COMMD1: variants seen among roughly 807,000 people sequenced by gnomAD.
COMMD1 encodes COMM domain-containing protein 1.
COMMD1 carries 10 observed loss-of-function variants against 17.2 expected under a neutral mutation model. The observed-to-expected ratio is 0.58, with a 90% CI of 0.36 to 0.99. COMMD1 has a LOEUF of 0.99. COMMD1 is among the 50% of genes least tolerant of loss of function. COMMD1 has a pLI of 0.01. For synonymous variants in COMMD1, 97 were observed against 91.6 expected (o/e 1.06, Z -0.34); for missense variants, 270 against 231.8 (o/e 1.17, Z -1.07).
intron 1 of COMMD1, among the ~76,000 whole-genome samples, chr2:61,920,911 A>ATATG (rs1279977189): frequency 6.7e-6 from 1 of 150,042 alleles, no homozygotes. Context: ...GTGTGTATAT[A>ATATG]TATGTATGTG....
intron 1 of COMMD1, among the ~76,000 whole-genome samples, chr2:61,908,182 A>G (rs1669819129): frequency 6.6e-6 from 1 of 151,778 alleles, no homozygotes; most frequent in African/African-American, 2.4e-5. Context: ...ATAGGGCTGA[A>G]ACCGTGGGCT....
intron 1 of COMMD1, among the ~76,000 whole-genome samples, chr2:61,940,690 TC>T (rs1005259692): frequency 1.3e-5 from 2 of 151,542 alleles, no homozygotes; most frequent in Non-Finnish European, 2.9e-5. Context: ...TGGGATGAAT[TC>T]TTTTTTTTTT....
rs144488851 is a variant in COMMD1, at chr2:62,005,166, T to C, written c.462+4184T>C. On this transcript the variant is annotated intron_variant, in intron 2 of 2. Transcript: ENST00000311832. Reference sequence around the variant, plus strand: ...TTATTCTTTAAAGCTGCCCAGATGATTTCAGTATCCAGGGTTGAGAACCAC... The same window carrying C: ...TTATTCTTTAAAGCTGCCCAGATGACTTCAGTATCCAGGGTTGAGAACCAC... Among the ~76,000 whole-genome samples, 403 of 152,320 alleles carry C rather than the reference T, an allele frequency of 2.6e-3. 1 individual carries two copies. Among genetic ancestry groups the C allele is most frequent in the African/African-American group, 8.5e-3 (355 of 41,580 alleles).
intron 2 of COMMD1, among the ~76,000 whole-genome samples, chr2:62,090,445 T>G (rs1233610371): frequency 6.6e-6 from 1 of 152,226 alleles, no homozygotes; most frequent in African/African-American, 2.4e-5. Flanking sequence ...TTAATGTCTC[T>G]TCTGGCCAAT....
chr2:61,906,977 CA>C (rs1669789882), intron 1 of COMMD1, among the ~76,000 whole-genome samples: 1 of 152,132 alleles, frequency 6.6e-6, no homozygotes, highest in Non-Finnish European at 1.5e-5. Context: ...CAAATGAAAA[CA>C]AATATTTCAC....
chr2:61,958,654 T>C (rs1440776197), intron 1 of COMMD1, among the ~76,000 whole-genome samples: 1 of 152,256 alleles, frequency 6.6e-6, no homozygotes, highest in African/African-American at 2.4e-5. Context: ...TACCATAGAT[T>C]TTCTGGGAAC....
rs139227235 is a variant in COMMD1, at chr2:61,965,508, G to A, written c.181-35193G>A. On this transcript the variant is annotated intron_variant, in intron 1 of 2. Transcript: ENST00000311832. ...CCACTAGACTGTAAGCACAGTAAGA[G>A]TGGGTATCCTCAGCATGGTATAGGG... Among the ~76,000 whole-genome samples the A allele has an allele frequency of 3.5e-3, 540 of 152,326 alleles. 11 individuals carry two copies. The highest frequency in any genetic ancestry group is 6.8e-3 in the Middle Eastern group (2 of 294).
intron 2 of COMMD1, among the ~76,000 whole-genome samples, chr2:62,128,276 T>C (rs570416530): frequency 1.3e-5 from 2 of 150,774 alleles, no homozygotes; most frequent in Admixed American, 1.3e-4. Context: ...TGCTGTGAGC[T>C]GAGATGGCAC....
rs897066475 is a variant in COMMD1, at chr2:61,981,202, G to A, written c.181-19499G>A. Among the ~76,000 whole-genome samples, 5 of 152,124 alleles carry A rather than the reference G, an allele frequency of 3.3e-5. 1 individual carries two copies. Among genetic ancestry groups the A allele is most frequent in the African/African-American group, 1.2e-4 (5 of 41,428 alleles). ...TTGCTTTGGTTACCTGTACTTGTGG[G>A]GTATTTACTCAAGGAATCTTTGCCC... On this transcript the variant is annotated intron_variant, in intron 1 of 2. Transcript: ENST00000311832.
intron 1 of COMMD1, among the ~76,000 whole-genome samples, chr2:61,923,729 G>A (rs1310066595): frequency 1.3e-5 from 2 of 152,024 alleles, no homozygotes; most frequent in African/African-American, 2.4e-5. Context: ...TTTTAATTGG[G>A]CAAGTGACAT....
At chr2:61,905,667 C>A, upstream of COMMD1, 1 of 1,538,430 alleles carries the variant, frequency 6.5e-7, no homozygotes. Flanking sequence ...CGGGGCGGGG[C>A]CTTCGCAGAG....
At chr2:61,969,130 T>G (rs912609974) in intron 1 of COMMD1, 2 of 317,116 alleles carry the variant, frequency 6.3e-6, no homozygotes, top group African/African-American at 4.4e-5. Flanking sequence ...GGCTTTTATA[T>G]GTAGGTTTTT....
intron 2 of COMMD1, among the ~76,000 whole-genome samples, chr2:62,116,670 T>A (rs1672613365): frequency 1.1e-5 from 1 of 86,968 alleles, no homozygotes; most frequent in Non-Finnish European, 2.0e-5. Flanking sequence ...AGACTCTGTC[T>A]CATTACAAAA....
At chr2:62,096,650 G>C (rs1672018152) in intron 2 of COMMD1, among the ~76,000 whole-genome samples, 1 of 152,146 alleles carries the variant, frequency 6.6e-6, no homozygotes, top group African/African-American at 2.4e-5. Flanking sequence ...CCTATTAATT[G>C]TTTTTTAGTT....
At chr2:61,967,595 T>A (rs556093807) in intron 1 of COMMD1, among the ~76,000 whole-genome samples, 1 of 152,304 alleles carries the variant, frequency 6.6e-6, no homozygotes, top group Non-Finnish European at 1.5e-5. Context: ...TGATACATAG[T>A]AGGCAGGTGG....
upstream of COMMD1, among the ~76,000 whole-genome samples, chr2:61,904,623 CA>C (rs1409804918): frequency 6.6e-6 from 1 of 152,218 alleles, no homozygotes; most frequent in Non-Finnish European, 1.5e-5. Context: ...TGTACCCAAA[CA>C]CACATATTAT....
At chr2:61,926,223 G>A (rs1014756780) in intron 1 of COMMD1, among the ~76,000 whole-genome samples, 2 of 151,976 alleles carry the variant, frequency 1.3e-5, no homozygotes, top group Non-Finnish European at 2.9e-5. Context: ...TGCCTGCCTC[G>A]GCCTCCTGAA....
intron 2 of COMMD1, among the ~76,000 whole-genome samples, chr2:62,075,985 T>C (rs1650751485): frequency 6.6e-6 from 1 of 152,202 alleles, no homozygotes; most frequent in Non-Finnish European, 1.5e-5. Flanking sequence ...CTGAATTCTG[T>C]AGGGGGAGAA....
chr2:62,115,533 G>C (rs1672567599), intron 2 of COMMD1, among the ~76,000 whole-genome samples: 1 of 152,216 alleles, frequency 6.6e-6, no homozygotes. Flanking sequence ...AATCCAGTGT[G>C]TGATTATAGA....
Sources: allele counts gnomAD v4.1 joint callset (sites outside exome capture counted in the v4.1 genomes callset), GRCh38; gene constraint gnomAD v4.1.1; transcripts MANE v1.5; gene names NCBI Gene and HGNC (gene_info 2026-07-23, HGNC 2026-07-21).